SLC44A5: variants seen among roughly 807,000 people sequenced by gnomAD.
SLC44A5 encodes choline transporter-like protein 5.
Under a neutral mutation model 101.8 loss-of-function variants are expected in SLC44A5, and 57 were observed. The observed-to-expected ratio is 0.56, with a 90% CI of 0.45 to 0.70. SLC44A5 has a LOEUF of 0.70. Ranked by LOEUF, SLC44A5 falls within the 30% of genes least tolerant of loss-of-function variation. SLC44A5 has a pLI of 0.00. For synonymous variants in SLC44A5, 281 were observed against 290.9 expected (o/e 0.97, Z 0.35); for missense variants, 737 against 853.1 (o/e 0.86, Z 1.70).
chr1:75,596,912 C>T (rs549750728), intron 1 of SLC44A5, among the ~76,000 whole-genome samples: 50 of 152,232 alleles, frequency 3.3e-4, no homozygotes, highest in African/African-American at 1.0e-3. Flanking sequence ...CCCTCTCTCA[C>T]CACTCCTATT....
At chr1:75,721,365 A>G in the SLC44A5 span, among the ~76,000 whole-genome samples, 26 of 152,326 alleles carry the variant, frequency 1.7e-4, no homozygotes, top group Admixed American at 4.6e-4. Flanking sequence ...AGCCCAACAT[A>G]AATTTGTAAG....
intron 1 of SLC44A5, among the ~76,000 whole-genome samples, chr1:75,572,879 T>G (rs967203486): frequency 1.3e-5 from 2 of 151,712 alleles, no homozygotes; most frequent in African/African-American, 2.4e-5. Context: ...TACCAGCACT[T>G]TGGGAGGCTA....
chr1:75,648,621 G>A, the SLC44A5 span, among the ~76,000 whole-genome samples: 3 of 152,034 alleles, frequency 2.0e-5, no homozygotes, highest in Admixed American at 2.0e-4. Context: ...AGAAGGGAGA[G>A]GTGAGAGTGG....
intron 6 of SLC44A5, among the ~76,000 whole-genome samples, chr1:75,255,612 G>T (rs374801665): frequency 6.6e-6 from 1 of 151,990 alleles, no homozygotes; most frequent in Non-Finnish European, 1.5e-5. Flanking sequence ...GATAAAAATC[G>T]CAAAGAAATA....
chr1:75,603,773 T>G (rs1013986845), intron 1 of SLC44A5, among the ~76,000 whole-genome samples: 7 of 137,574 alleles, frequency 5.1e-5, no homozygotes, highest in Admixed American at 3.0e-4. Flanking sequence ...TTTTTTTTGC[T>G]GCTTGTATGT....
chr1:75,653,635 A>T, the SLC44A5 span, among the ~76,000 whole-genome samples: 62 of 152,348 alleles, frequency 4.1e-4, no homozygotes, highest in East Asian at 0.01. Context: ...TGATTTAACC[A>T]CTATTTAGCA....
chr1:75,342,545 CCAAA>C (rs3058764), intron 3 of SLC44A5, among the ~76,000 whole-genome samples: 67,924 of 151,564 alleles, frequency 0.45, 15,749 homozygotes, highest in East Asian at 0.84. Flanking sequence ...CTGTCCAACT[CCAAA>C]CAAAGCCTGT....
At chr1:75,682,287 G>T in the SLC44A5 span, among the ~76,000 whole-genome samples, 2 of 151,970 alleles carry the variant, frequency 1.3e-5, no homozygotes, top group African/African-American at 2.4e-5. Flanking sequence ...AAAAGAGCCC[G>T]CATTGCCAAG....
At chr1:75,238,385 CATATATAT>C (rs71081318) in intron 10 of SLC44A5, 120 bp downstream of exon 10, 9 of 215,490 alleles carry the variant, frequency 4.2e-5, no homozygotes, top group East Asian at 1.6e-4. Context: ...ACGTATATTT[CATATATAT>C]ATATATATAT....
intron 1 of SLC44A5, among the ~76,000 whole-genome samples, chr1:75,583,666 A>G (rs1673829344): frequency 6.6e-6 from 1 of 152,236 alleles, no homozygotes; most frequent in African/African-American, 2.4e-5. Flanking sequence ...AGTTTCTCTC[A>G]AGAAAAAACT....
At chr1:75,680,473 A>C in the SLC44A5 span, among the ~76,000 whole-genome samples, 7 of 151,930 alleles carry the variant, frequency 4.6e-5, no homozygotes, top group Non-Finnish European at 2.9e-5. Context: ...AAAACTGCTC[A>C]ACTACATGGA....
chr1:75,554,123 T>C (rs1570599871), intron 1 of SLC44A5, among the ~76,000 whole-genome samples: 1 of 152,150 alleles, frequency 6.6e-6, no homozygotes, highest in African/African-American at 2.4e-5. Context: ...ATTAATTCTG[T>C]CTGCAGATAA....
chr1:75,233,971 A>T lies in SLC44A5; in HGVS notation c.853+15T>A. ...TATTCTGATATTTGATAATTTGAAG[A>T]GGAGTGATACCTACCATAACCTATA... On this transcript the variant is annotated intron_variant, in intron 12 of 23. Transcript: ENST00000370859. 6.6e-7 allele frequency: 1 copy of T among 1,513,462 alleles called. No homozygotes were observed. Among genetic ancestry groups the T allele is most frequent in the South Asian group, 1.1e-5 (1 of 87,494 alleles). 93.8% of individuals were successfully genotyped at this position (1,513,462 alleles called of 1,614,324 possible).
At position 75,585,295 on chromosome 1, in the gene SLC44A5, A is replaced by G. The variant is rs151105111; in HGVS notation, c.-70+25745T>C. Among the ~76,000 whole-genome samples the G allele has an allele frequency of 5.7e-3, 868 of 152,364 alleles. 15 individuals carry two copies. Among genetic ancestry groups the G allele is most frequent in the Admixed American group, 0.035 (530 of 15,304 alleles). ...AATTTATCTGAATAATTAGGAGCAT[A>G]GTCTTTAAAGTCAGACAGACTCATT... On this transcript the variant is annotated intron_variant, in intron 1 of 23. Coordinates refer to ENST00000370859, the MANE Select transcript of SLC44A5 (RefSeq NM_001130058.2).
chr1:75,684,962 C>G, the SLC44A5 span, among the ~76,000 whole-genome samples: 1 of 152,246 alleles, frequency 6.6e-6, no homozygotes, highest in South Asian at 2.1e-4. Context: ...GCCCCTGCAG[C>G]AAACCTCTGC....
chr1:75,642,160 A>G, the SLC44A5 span: 3 of 731,846 alleles, frequency 4.1e-6, no homozygotes, highest in Non-Finnish European at 6.5e-6. Context: ...ATAGCATCAG[A>G]AGAAAGCATT....
At chr1:75,673,822 C>T in the SLC44A5 span, among the ~76,000 whole-genome samples, 1 of 152,102 alleles carries the variant, frequency 6.6e-6, no homozygotes. Flanking sequence ...CAGGGTAGTA[C>T]CCCTATGAGT....
At chr1:75,251,080 T>C (rs1412685504) in intron 7 of SLC44A5, 130 bp downstream of exon 7, 3 of 699,506 alleles carry the variant, frequency 4.3e-6, no homozygotes, top group African/African-American at 3.6e-5. Context: ...TATCTTCCCA[T>C]CGTCTAGAAA....
chr1:75,526,646 C>A (rs533202996), intron 2 of SLC44A5, among the ~76,000 whole-genome samples: 2 of 152,162 alleles, frequency 1.3e-5, no homozygotes, highest in Non-Finnish European at 2.9e-5. Flanking sequence ...TTCTGAGAGG[C>A]TAACAGGAAA....
Sources: gnomAD v4.1 joint callset for allele counts (sites outside exome capture counted in the v4.1 genomes callset) on GRCh38, gnomAD v4.1.1 for gene constraint, MANE v1.5 for transcripts, NCBI Gene and HGNC (gene_info 2026-07-23, HGNC 2026-07-21) for gene names.